BCR: variants seen among roughly 807,000 people sequenced by gnomAD.
BCR encodes breakpoint cluster region protein.
A neutral mutation model predicts 138.6 loss-of-function variants in BCR; 58 were observed. The ratio of observed to expected loss-of-function variants is 0.42; its 90% confidence interval spans 0.34 to 0.52. The LOEUF is 0.52. Ranked by LOEUF, BCR falls within the 20% of genes least tolerant of loss-of-function variation. The pLI is 0.06. For missense variants in BCR, 1,599 were observed against 1,727.2 expected (o/e 0.93, Z 1.32); for synonymous variants, 786 against 730.1 (o/e 1.08, Z -1.23).
At chr22:23,190,989 G>A (rs2072405867) in intron 1 of BCR, among the ~76,000 whole-genome samples, 1 of 151,490 alleles carries the variant, frequency 6.6e-6, no homozygotes, top group Admixed American at 6.6e-5. Flanking sequence ...CTGGAGTATA[G>A]TGGCATGATC....
intron 1 of BCR, among the ~76,000 whole-genome samples, chr22:23,202,737 GTGTGTGTGTGTA>G (rs1568931239): frequency 6.8e-6 from 1 of 147,896 alleles, no homozygotes; most frequent in African/African-American, 2.6e-5. Context: ...GTGTGTGTGT[GTGTGTGTGTGTA>G]TATATATATA....
chr22:23,264,447 C>T, intron 4 of BCR: 3 of 652,526 alleles, frequency 4.6e-6, no homozygotes, highest in Non-Finnish European at 5.6e-6. Flanking sequence ...AGTTCCTCCC[C>T]ACTGCCCCAC....
intron 8 of BCR, among the ~76,000 whole-genome samples, chr22:23,276,976 G>A (rs141265720): frequency 6.6e-6 from 1 of 152,338 alleles, no homozygotes; most frequent in South Asian, 2.1e-4. Flanking sequence ...GCCTGCGAGG[G>A]ACTTTATGAA....
At chr22:23,229,799 C>T (rs1230195434) in intron 1 of BCR, among the ~76,000 whole-genome samples, 2 of 152,180 alleles carry the variant, frequency 1.3e-5, no homozygotes, top group African/African-American at 4.8e-5. Flanking sequence ...AAGGCAGTTC[C>T]CCCCTGAGGG....
At chr22:23,190,637 C>T (rs147441287) in intron 1 of BCR, among the ~76,000 whole-genome samples, 5 of 152,244 alleles carry the variant, frequency 3.3e-5, no homozygotes, top group Non-Finnish European at 7.4e-5. Context: ...TGGTTTAGTT[C>T]GTAACACTTG....
intron 20 of BCR, among the ~76,000 whole-genome samples, chr22:23,313,696 T>C (rs2074033075): frequency 6.6e-6 from 1 of 152,152 alleles, no homozygotes; most frequent in Non-Finnish European, 1.5e-5. Context: ...CAAGGGCAGC[T>C]CTGCCCATGA....
At chr22:23,193,064 C>T (rs1250051195) in intron 1 of BCR, among the ~76,000 whole-genome samples, 1 of 152,184 alleles carries the variant, frequency 6.6e-6, no homozygotes, top group Non-Finnish European at 1.5e-5. Flanking sequence ...ATCCTCTACT[C>T]AAGTGCCACT....
chr22:23,214,130 G>A (rs1230508184), intron 1 of BCR, among the ~76,000 whole-genome samples: 1 of 151,620 alleles, frequency 6.6e-6, no homozygotes, highest in East Asian at 1.9e-4. Flanking sequence ...TTTTATTGTT[G>A]TTATCGTAGT....
chr22:23,248,602 T>C (rs966224503), intron 1 of BCR, among the ~76,000 whole-genome samples: 3 of 152,246 alleles, frequency 2.0e-5, no homozygotes, highest in Non-Finnish European at 2.9e-5. Flanking sequence ...AGTTCTGGGG[T>C]TGGGTTGCTA....
chr22:23,182,496 G>C (rs1408053442), intron 1 of BCR, among the ~76,000 whole-genome samples: 1 of 152,220 alleles, frequency 6.6e-6, no homozygotes, highest in East Asian at 1.9e-4. Context: ...TGTTCCTTTG[G>C]TTCTAGAGCA....
At chr22:23,261,972 G>C (rs1454173273) in intron 4 of BCR, 1 of 160,078 alleles carries the variant, frequency 6.2e-6, no homozygotes, top group Non-Finnish European at 1.4e-5. Context: ...TTAGTGTGTA[G>C]TGCACTACAG....
Position 23,271,548 on chromosome 22 carries a change from G to A in BCR, c.1877G>A (p.Ser626Asn), listed in dbSNP as rs147105969. Reference sequence around the variant, plus strand: ...TCTCTGCAGAACCTGAGAGCCAGAAGCAACAAAGATGCCAAGGATCCAACG... The same window carrying A: ...TCTCTGCAGAACCTGAGAGCCAGAAACAACAAAGATGCCAAGGATCCAACG... Reference protein sequence around the residue: ...AEISENLRARSNKDAKDPTTK... With the variant: ...AEISENLRARNNKDAKDPTTK... Residue 626 changes from serine to asparagine, a missense_variant, in exon 6 of 23, where the codon AGC becomes AAC. Around this residue, in one of 4 missense-constraint regions of BCR, gnomAD observed 590 missense variants for 762.4 expected, o/e 0.77. Coordinates refer to ENST00000305877, the MANE Select transcript of BCR (RefSeq NM_004327.4). 767 of 1,613,984 alleles carry A rather than the reference G, an allele frequency of 4.8e-4. No homozygotes were observed. The highest frequency in any genetic ancestry group is 1.4e-3 in the Admixed American group (82 of 60,002).
chr22:23,268,761 G>A (rs897829319), intron 5 of BCR, among the ~76,000 whole-genome samples: 5 of 152,100 alleles, frequency 3.3e-5, no homozygotes, highest in African/African-American at 1.2e-4. Context: ...GCCGAGTTCC[G>A]GGGACACTCT....
chr22:23,313,980 C>G lies in BCR; in HGVS notation c.3470C>G (p.Pro1157Arg). The G allele has an allele frequency of 6.2e-7, 1 of 1,613,934 alleles. No homozygotes were observed. The highest frequency in any genetic ancestry group is 8.5e-7 in the Non-Finnish European group (1 of 1,179,954). The change falls in exon 21 of 23, where the codon CCG (proline) becomes CGG (arginine). Residue 1157 changes from proline (P) to arginine (R), a missense_variant. Physicochemically the swap from Pro to Arg is moderately radical, Grantham distance 103. Transcript: ENST00000305877. ...NFAEGIALSD[P>R]VAKESCMLNL... ...CCGCCTTCTGCAGCTCTTTCAGACC[C>G]GGTTGCAAAGGAGAGCTGCATGCTC...
rs1403367655 is a variant in BCR, at chr22:23,181,608, G to A, written c.648G>A (p.Gln216=). The change falls in exon 1 of 23, where the codon CAG becomes CAA. Residue 216 remains glutamine, a synonymous_variant. Transcript: ENST00000305877. ...TGCAGATGGAGCGCAAAAAGTCCCA[G>A]CACGGCGCGGGCTCGAGCGTGGGGG... is the stretch of plus-strand genomic sequence containing the variant. The part of the protein sequence containing the change: ...QAMQMERKKS[Q]HGAGSSVGDA... 15 of 1,612,282 alleles carry A rather than the reference G, an allele frequency of 9.3e-6. No homozygotes were observed. The highest frequency in any genetic ancestry group is 1.1e-5 in the Non-Finnish European group (13 of 1,179,978).
At chr22:23,195,477 A>G (rs1190649437) in intron 1 of BCR, among the ~76,000 whole-genome samples, 2 of 151,386 alleles carry the variant, frequency 1.3e-5, no homozygotes, top group East Asian at 3.9e-4. Flanking sequence ...CTGTAATCCC[A>G]GCTACTCAAG....
At chr22:23,197,426 G>A (rs2072497503) in intron 1 of BCR, among the ~76,000 whole-genome samples, 2 of 152,206 alleles carry the variant, frequency 1.3e-5, no homozygotes, top group South Asian at 4.1e-4. Flanking sequence ...AGTTGTTACA[G>A]TGTATTGTTA....
intron 1 of BCR, among the ~76,000 whole-genome samples, chr22:23,215,416 A>G (rs527736456): frequency 1.3e-5 from 2 of 152,334 alleles, no homozygotes; most frequent in East Asian, 3.9e-4. Context: ...TTGAGTAACT[A>G]CCATGATCAC....
At chr22:23,210,966 A>C (rs1265939259) in intron 1 of BCR, among the ~76,000 whole-genome samples, 1 of 152,182 alleles carries the variant, frequency 6.6e-6, no homozygotes, top group Non-Finnish European at 1.5e-5. Flanking sequence ...GGTGGTTAGT[A>C]TTATCTCAGA....
Sources: allele counts gnomAD v4.1 joint callset (sites outside exome capture counted in the v4.1 genomes callset), GRCh38; gene constraint gnomAD v4.1.1; regional missense constraint gnomAD v4.1.1; transcripts MANE v1.5; gene names NCBI Gene and HGNC (gene_info 2026-07-23, HGNC 2026-07-21).